The following TBC1D16 variants were observed in gnomAD, a reference collection of about 807,000 sequenced individuals.
TBC1D16 encodes CTD-2529O21.1.
In TBC1D16, 58 loss-of-function variants were observed where a neutral mutation model predicts 74.7. That is an observed-to-expected ratio of 0.78 (90% CI 0.63 to 0.97). The LOEUF (loss-of-function observed/expected upper bound fraction) is 0.97. TBC1D16 is among the 50% of genes least tolerant of loss of function. TBC1D16 has a pLI of 0.00. For missense variants in TBC1D16, 1,014 were observed against 1,079.5 expected (o/e 0.94, Z 0.85); for synonymous variants, 493 against 474.7 (o/e 1.04, Z -0.50).
At chr17:80,028,910 C>T (rs918094857) in intron 1 of TBC1D16, among the ~76,000 whole-genome samples, 1 of 152,088 alleles carries the variant, frequency 6.6e-6, no homozygotes, top group African/African-American at 2.4e-5. Context: ...CCGCCCCGAG[C>T]CGACCAGTTG....
Position 79,975,596 on chromosome 17 carries a change from T to TG in TBC1D16, c.780-22779dup, listed in dbSNP as rs1243734857. Among the ~76,000 whole-genome samples, 5 of 152,222 alleles carry TG rather than the reference T, an allele frequency of 3.3e-5. No individual in the cohort carries two copies. The highest frequency in any genetic ancestry group is 6.5e-5 in the Admixed American group (1 of 15,274). On this transcript the variant is annotated intron_variant, in intron 3 of 11. Transcript: ENST00000310924. The surrounding 1 kb of genome is among the most constrained non-coding windows in gnomAD (Gnocchi z 4.5). ...CAACGAGTGACAGAGGGTTGGGGAC[T>TG]GGGGGGGTCGTGCATGAAGACAGCC...
intron 3 of TBC1D16, among the ~76,000 whole-genome samples, chr17:79,973,233 T>C (rs1044594003): frequency 6.6e-6 from 1 of 152,060 alleles, no homozygotes; most frequent in Non-Finnish European, 1.5e-5. Context: ...TATGATAAAG[T>C]TTAATCTACA....
At chr17:80,027,178 G>A (rs1343130295) in intron 1 of TBC1D16, among the ~76,000 whole-genome samples, 4 of 152,222 alleles carry the variant, frequency 2.6e-5, no homozygotes, top group Admixed American at 6.5e-5. Flanking sequence ...AGAAGCTGAG[G>A]AGGCTGGGCA....
chr17:79,951,409 G>C, intron 5 of TBC1D16, 41 bp downstream of exon 5: 1 of 1,601,018 alleles, frequency 6.2e-7, no homozygotes, highest in Non-Finnish European at 8.5e-7. Context: ...GGGGTGGGGA[G>C]TGTCAACCGC....
chr17:79,964,240 G>C (rs1275279789), intron 3 of TBC1D16, among the ~76,000 whole-genome samples: 1 of 152,156 alleles, frequency 6.6e-6, no homozygotes, highest in Non-Finnish European at 1.5e-5. Context: ...GCCTCCCAAA[G>C]TGCTGGGTTA....
chr17:79,957,802 C>T (rs2143839902), intron 3 of TBC1D16, among the ~76,000 whole-genome samples: 1 of 151,264 alleles, frequency 6.6e-6, no homozygotes, highest in East Asian at 1.9e-4. Context: ...ATTCTCTGTA[C>T]CCTTCACTCA....
chr17:80,033,613 T>C (rs1307585268), intron 1 of TBC1D16, among the ~76,000 whole-genome samples: 2 of 152,164 alleles, frequency 1.3e-5, no homozygotes, highest in Non-Finnish European at 2.9e-5. Context: ...GCTCAAGTGA[T>C]TCTCCCAAAA....
In TBC1D16 at chr17:80,010,393, G is replaced by C. The variant is rs1219237462; in HGVS notation, c.546C>G (p.Ser182Arg). Residue 182 changes from serine (S) to arginine (R), a missense_variant, in exon 3 of 12, where the codon AGC becomes AGG. Physicochemically the swap from Ser to Arg is moderately radical, Grantham distance 110. Coordinates refer to ENST00000310924, the MANE Select transcript of TBC1D16 (RefSeq NM_019020.4). This position sits in a 1 kb window ranked among gnomAD's most constrained non-coding sequence, Gnocchi z 8.8. Reference protein sequence around the residue: ...GAQPASQPACSPSGILSTVSP... With the variant: ...GAQPASQPACRPSGILSTVSP... ...TGACCGTCGACAAGATCCCGGAGGG[G>C]CTGCAAGCAGGCTGCGAGGCTGGCT... is the stretch of plus-strand genomic sequence containing the variant. The C allele has an allele frequency of 6.2e-7, 1 of 1,611,854 alleles. No individual in the cohort carries two copies. Among genetic ancestry groups the C allele is most frequent in the Non-Finnish European group, 8.5e-7 (1 of 1,179,296 alleles).
chr17:80,003,905 G>A (rs367560551), intron 3 of TBC1D16, among the ~76,000 whole-genome samples: 18 of 152,190 alleles, frequency 1.2e-4, no homozygotes, highest in South Asian at 6.2e-4. Context: ...ATAAATGAAC[G>A]GGGCATGGTG....
Position 80,013,347 on chromosome 17 carries a change from C to CCTCGCCTGCCCTGG in TBC1D16, c.181+6_181+19dup. ...TAACCTGGGCTGTGCGACCCTGGAG[C>CCTCGCCTGCCCTGG]CTCGCCTGCCCTGGCTCACCTGGGT... On this transcript the variant is annotated intron_variant, in intron 2 of 11. Coordinates refer to ENST00000310924, the MANE Select transcript of TBC1D16 (RefSeq NM_019020.4). 1 of 1,584,962 alleles carries CCTCGCCTGCCCTGG rather than the reference C, an allele frequency of 6.3e-7. No individual in the cohort carries two copies.
rs2031718655 is a variant in TBC1D16 at position 79,937,846 on chromosome 17, C to T, written c.*3013G>A. On this transcript the variant is annotated 3_prime_UTR_variant, in exon 12 of 12. Transcript: ENST00000310924. ...CAGCACGCCCACATCAAAGGTGTCC[C>T]CTCTTCCCAGAGGCCCTGAGCAACA... The T allele has an allele frequency of 6.6e-6, 1 of 152,282 alleles. No homozygotes were observed. The highest frequency in any genetic ancestry group is 1.5e-5 in the Non-Finnish European group (1 of 68,062). 9.4% of individuals were successfully genotyped at this position (152,282 alleles called of 1,614,324 possible).
intron 3 of TBC1D16, chr17:79,992,236 C>CGCTGCTGT (rs1214033103): frequency 3.9e-5 from 6 of 152,448 alleles, no homozygotes; most frequent in African/African-American, 1.4e-4. Flanking sequence ...CCCCACACTC[C>CGCTGCTGT]GCTGCTGTTC....
chr17:80,034,993 G>C (rs992644477), intron 1 of TBC1D16, among the ~76,000 whole-genome samples: 1 of 152,208 alleles, frequency 6.6e-6, no homozygotes, highest in African/African-American at 2.4e-5. Flanking sequence ...ACTTGACCCA[G>C]ACAGTAAAAC....
At position 79,986,172 on chromosome 17, in the gene TBC1D16, C is replaced by T. The variant is rs758403455; in HGVS notation, c.779+23988G>A. 2.8e-4 allele frequency among the ~76,000 whole-genome samples: 42 copies of T among 152,324 alleles called. No individual in the cohort carries two copies. Among genetic ancestry groups the T allele is most frequent in the Admixed American group, 4.6e-4 (7 of 15,308 alleles). On this transcript the variant is annotated intron_variant, in intron 3 of 11. Coordinates refer to ENST00000310924, the MANE Select transcript of TBC1D16 (RefSeq NM_019020.4). This position sits in a 1 kb window ranked among gnomAD's most constrained non-coding sequence, Gnocchi z 6.0. ...CATGAATCACTGCAGTGCCAATTTC[C>T]TCGTGGTCCCAAAGTGCGGGAGGGA...
intron 1 of TBC1D16, among the ~76,000 whole-genome samples, chr17:80,025,511 C>T (rs2036546670): frequency 1.3e-5 from 2 of 149,746 alleles, no homozygotes; most frequent in Non-Finnish European, 2.9e-5. Context: ...GCAAATGCCC[C>T]CGGAGAGCCC....
intron 1 of TBC1D16, among the ~76,000 whole-genome samples, chr17:80,019,587 C>G (rs1255915341): frequency 6.7e-6 from 1 of 149,938 alleles, no homozygotes; most frequent in Non-Finnish European, 1.5e-5. Flanking sequence ...TCGCAAGAGG[C>G]TATTTCATCG....
Position 80,010,420 on chromosome 17 carries a change from G to A in TBC1D16, c.519C>T (p.Ala173=). 6.2e-7 allele frequency: 1 copy of A among 1,610,996 alleles called. No homozygotes were observed. The highest frequency in any genetic ancestry group is 8.5e-7 in the Non-Finnish European group (1 of 1,178,996). ...KLAQGLGVDG[A]QPASQPACSP... ...TGCAAGCAGGCTGCGAGGCTGGCTG[G>A]GCACCATCCACCCCCAAGCCCTGCG... Residue 173 remains alanine (A), a synonymous_variant, in exon 3 of 12, where the codon GCC becomes GCT. Coordinates refer to ENST00000310924, the MANE Select transcript of TBC1D16 (RefSeq NM_019020.4). The surrounding 1 kb of genome is among the most constrained non-coding windows in gnomAD (Gnocchi z 8.8).
rs1021163426 is a variant in TBC1D16 at position 80,013,513 on chromosome 17, G to A, written c.35C>T (p.Ser12Phe). Residue 12 changes from serine to phenylalanine, a missense_variant, in exon 2 of 12, where the codon TCC becomes TTC. Transcript: ENST00000310924. ...GAGGGTCAGGAGGTCCGAGGCTTTG[G>A]AGGAGGCCCTGCGAAGGAGGCGGCC... ...SLGRLLRRAS[S>F]KASDLLTLTP... The A allele has an allele frequency of 6.4e-7, 1 of 1,564,300 alleles. No individual in the cohort carries two copies. The highest frequency in any genetic ancestry group is 8.6e-7 in the Non-Finnish European group (1 of 1,156,268).
At chr17:79,946,186 T>C (rs2032520250) in intron 9 of TBC1D16, among the ~76,000 whole-genome samples, 1 of 152,256 alleles carries the variant, frequency 6.6e-6, no homozygotes, top group Non-Finnish European at 1.5e-5. Context: ...GGGACCCGTT[T>C]CCTGGAAGAC....
Sources: allele counts gnomAD v4.1 joint callset (sites outside exome capture counted in the v4.1 genomes callset), GRCh38; gene constraint gnomAD v4.1.1; non-coding constraint Gnocchi (gnomAD v3.1); transcripts MANE v1.5; gene names NCBI Gene and HGNC (gene_info 2026-07-23, HGNC 2026-07-21).